PTPRD: variants seen among roughly 807,000 people sequenced by gnomAD.
The protein encoded by PTPRD is receptor-type tyrosine-protein phosphatase delta.
Under a neutral mutation model 214.5 loss-of-function variants are expected in PTPRD, and 34 were observed. The observed-to-expected ratio is 0.16, with a 90% CI of 0.12 to 0.21. The LOEUF (loss-of-function observed/expected upper bound fraction) is 0.21, where lower values mean the gene tolerates loss of function less well. Ranked by LOEUF, PTPRD falls within the 10% of genes least tolerant of loss-of-function variation. The pLI is 1.00. For synonymous variants in PTPRD, 1,128 were observed against 845.7 expected, an observed-to-expected ratio of 1.33 and a Z score of -5.79; for missense variants, 2,545 against 2,398.7, an observed-to-expected ratio of 1.06 and a Z score of -1.27.
chr9:9,664,517 A>G (rs775579754), intron 7 of PTPRD, among the ~76,000 whole-genome samples: 6 of 151,598 alleles, frequency 4.0e-5, no homozygotes, highest in Non-Finnish European at 8.9e-5. Context: ...CTAATACAAG[A>G]GTTTCTAATT....
intron 11 of PTPRD, among the ~76,000 whole-genome samples, chr9:8,887,204 T>C (rs1418881704): frequency 6.6e-6 from 1 of 152,166 alleles, no homozygotes. Flanking sequence ...TATTAACCAT[T>C]ATTTTCTGCT....
At chr9:9,450,452 G>C (rs1219903735) in intron 8 of PTPRD, among the ~76,000 whole-genome samples, 2 of 151,656 alleles carry the variant, frequency 1.3e-5, no homozygotes, top group Non-Finnish European at 2.9e-5. Context: ...TTTTAATTAA[G>C]GCCATTCTTG....
intron 3 of PTPRD, among the ~76,000 whole-genome samples, chr9:10,059,077 G>C (rs1247278932): frequency 6.6e-6 from 1 of 152,114 alleles, no homozygotes; most frequent in Non-Finnish European, 1.5e-5. Flanking sequence ...AAGTGGATCA[G>C]TGAGAATGTG....
intron 2 of PTPRD, among the ~76,000 whole-genome samples, chr9:10,480,030 T>C (rs1855850): frequency 0.65 from 99,254 of 152,014 alleles, 32,536 homozygotes; most frequent in Admixed American, 0.75. Context: ...ATATGAATGA[T>C]TGTTCTCATC....
chr9:9,587,736 G>A (rs1195891054), intron 7 of PTPRD, among the ~76,000 whole-genome samples: 1 of 151,930 alleles, frequency 6.6e-6, no homozygotes, highest in Non-Finnish European at 1.5e-5. Flanking sequence ...AGGTCATTAA[G>A]TTGAAATAAT....
chr9:9,318,051 A>T (rs1433333842), intron 9 of PTPRD, among the ~76,000 whole-genome samples: 1 of 152,032 alleles, frequency 6.6e-6, no homozygotes, highest in Non-Finnish European at 1.5e-5. Flanking sequence ...CATGCCTGTA[A>T]TCCCAGCTAC....
intron 35 of PTPRD, among the ~76,000 whole-genome samples, chr9:8,435,731 G>A (rs903805720): frequency 1.5e-4 from 18 of 116,834 alleles, no homozygotes; most frequent in East Asian, 2.5e-4. Context: ...ACACACACAC[G>A]CACGCACGTG....
intron 3 of PTPRD, among the ~76,000 whole-genome samples, chr9:10,264,072 C>T (rs985382205): frequency 1.3e-4 from 20 of 152,254 alleles, no homozygotes; most frequent in Admixed American, 6.5e-4. Flanking sequence ...TGGGAACTTC[C>T]GCCTAGTTTT....
At chr9:10,363,991 G>GTTTTTTT (rs71270610) in intron 2 of PTPRD, among the ~76,000 whole-genome samples, 576 of 34,870 alleles carry the variant, frequency 0.017, 118 homozygotes, top group African/African-American at 0.028. Flanking sequence ...ACATTTTCGG[G>GTTTTTTT]TTTTTTTTTT....
chr9:8,464,618 C>G (rs896372246), intron 32 of PTPRD, among the ~76,000 whole-genome samples: 1 of 151,858 alleles, frequency 6.6e-6, no homozygotes, highest in Admixed American at 6.6e-5. Flanking sequence ...CATATTTAGA[C>G]ACCGATTAGA....
At chr9:8,508,288 C>T (rs2097581630) in intron 21 of PTPRD, among the ~76,000 whole-genome samples, 1 of 152,162 alleles carries the variant, frequency 6.6e-6, no homozygotes, top group African/African-American at 2.4e-5. Context: ...GTTTAAAACA[C>T]CTTACTCAAA....
At chr9:10,511,692 G>A (rs911295914) in intron 2 of PTPRD, among the ~76,000 whole-genome samples, 2 of 150,910 alleles carry the variant, frequency 1.3e-5, no homozygotes, top group African/African-American at 4.9e-5. Context: ...GAGATTACAG[G>A]TGGGAACCAC....
chr9:8,365,138 T>A (rs1474494552), intron 39 of PTPRD, among the ~76,000 whole-genome samples: 4 of 150,084 alleles, frequency 2.7e-5, no homozygotes, highest in East Asian at 3.9e-4. Context: ...CTCTGAAATT[T>A]AAAAAAAAAA....
intron 5 of PTPRD, among the ~76,000 whole-genome samples, chr9:9,802,110 T>C (rs1027932042): frequency 2.6e-5 from 4 of 152,088 alleles, no homozygotes; most frequent in Non-Finnish European, 4.4e-5. Flanking sequence ...TTTATTAGAA[T>C]ATTGTGTTTC....
chr9:8,545,928 G>C (rs1326122558), intron 14 of PTPRD, among the ~76,000 whole-genome samples: 1 of 152,208 alleles, frequency 6.6e-6, no homozygotes, highest in Non-Finnish European at 1.5e-5. Flanking sequence ...GCTAAACGTA[G>C]AAGTGCTCAC....
At chr9:8,894,642 T>C (rs180909534) in intron 11 of PTPRD, among the ~76,000 whole-genome samples, 4 of 152,292 alleles carry the variant, frequency 2.6e-5, no homozygotes, top group Non-Finnish European at 4.4e-5. Context: ...GTCATTAAAC[T>C]GTACACTTAG....
chr9:10,007,199 T>C (rs942144379), intron 4 of PTPRD, among the ~76,000 whole-genome samples: 5 of 152,062 alleles, frequency 3.3e-5, no homozygotes, highest in Non-Finnish European at 7.4e-5. Context: ...CACTAAACTA[T>C]ATAAACCTTT....
chr9:9,029,296 G>T (rs189501786), intron 10 of PTPRD, among the ~76,000 whole-genome samples: 4 of 151,952 alleles, frequency 2.6e-5, no homozygotes, highest in Non-Finnish European at 4.4e-5. Context: ...GGAAGGTTGA[G>T]ATTATTAAAT....
At chr9:9,802,626 G>A (rs1382983512) in intron 5 of PTPRD, among the ~76,000 whole-genome samples, 1 of 151,428 alleles carries the variant, frequency 6.6e-6, no homozygotes, top group Admixed American at 6.6e-5. Context: ...ATCACACAAA[G>A]CCCAGGATGC....
Sources: allele counts gnomAD v4.1 joint callset (sites outside exome capture counted in the v4.1 genomes callset), GRCh38; gene constraint gnomAD v4.1.1; transcripts MANE v1.5; gene names NCBI Gene and HGNC (gene_info 2026-07-23, HGNC 2026-07-21).